The following ALDH4A1 variants were observed in gnomAD, a reference collection of about 807,000 sequenced individuals.
ALDH4A1 encodes the protein aldehyde dehydrogenase 4 family member A1, also known as delta-1-pyrroline-5-carboxylate dehydrogenase, mitochondrial.
A neutral mutation model predicts 70.5 loss-of-function variants in ALDH4A1; 46 were observed. The ratio of observed to expected loss-of-function variants is 0.65; its 90% CI spans 0.51 to 0.83. ALDH4A1 has a LOEUF of 0.83. ALDH4A1 is among the 40% of genes least tolerant of loss of function. The probability of loss-of-function intolerance (pLI) is 0.00; values close to 1 mark genes in which losing one functional copy is unlikely to be tolerated. For synonymous variants in ALDH4A1, 323 were observed against 324.3 expected, an observed-to-expected ratio of 1.00 and a Z score of 0.04; for missense variants, 749 against 766.5, an observed-to-expected ratio of 0.98 and a Z score of 0.27.
rs145243354 is a variant in ALDH4A1, at chr1:18,877,480, T to C, written c.1073A>G (p.His358Arg). ...CSACSRLYVP[H>R]SLWPQIKGRL... ...CCCTTTGATCTGCGGCCACAGCGAGTGCGGCACGTAGAGACGCGAGCACGC... is the reference window on the plus strand; with the variant it reads ...CCCTTTGATCTGCGGCCACAGCGAGCGCGGCACGTAGAGACGCGAGCACGC... Residue 358 changes from histidine to arginine, a missense_variant, in exon 10 of 15, where the codon CAC becomes CGC. Physicochemically the swap from His to Arg is conservative, Grantham distance 29. Coordinates refer to ENST00000375341, the MANE Select transcript of ALDH4A1 (RefSeq NM_003748.4). 3.2e-4 allele frequency: 516 copies of C among 1,599,652 alleles called. 5 individuals are homozygous for C. The highest frequency in any genetic ancestry group is 1.7e-4 in the Middle Eastern group (1 of 5,904).
In ALDH4A1 at chr1:18,878,482, C is replaced by A. The variant is rs1934821900; in HGVS notation, c.940+818G>T. 2.6e-5 allele frequency among the ~76,000 whole-genome samples: 4 copies of A among 152,154 alleles called. No homozygotes were observed. In the South Asian group the frequency reaches 8.3e-4, roughly 32 times the overall value. ...CAGGGTCCAGACTCCCCAGTGGGCC[C>A]CAATTCACGCCACAGAGAAACATGC... On this transcript the variant is annotated intron_variant, in intron 9 of 14. Transcript: ENST00000375341.
intron 3 of ALDH4A1, among the ~76,000 whole-genome samples, chr1:18,888,114 G>A (rs914973344): frequency 6.6e-6 from 1 of 152,218 alleles, no homozygotes; most frequent in Non-Finnish European, 1.5e-5. Context: ...ACAACCACAC[G>A]TGGCGGCTCA....
intron 3 of ALDH4A1, among the ~76,000 whole-genome samples, chr1:18,888,917 C>T (rs1935326746): frequency 6.6e-6 from 1 of 152,238 alleles, no homozygotes; most frequent in African/African-American, 2.4e-5. Context: ...AAAGGGCTGA[C>T]CTTTTATTCT....
At chr1:18,892,254 T>C (rs539595691) in intron 1 of ALDH4A1, among the ~76,000 whole-genome samples, 6 of 152,174 alleles carry the variant, frequency 3.9e-5, no homozygotes, top group Non-Finnish European at 7.4e-5. Flanking sequence ...CCAGGCCCTG[T>C]GTTCATTCCA....
At position 18,878,461 on chromosome 1, in the gene ALDH4A1, G is replaced by C. The variant is rs373051919; in HGVS notation, c.940+839C>G. 1.8e-3 allele frequency among the ~76,000 whole-genome samples: 270 copies of C among 152,130 alleles called. 1 individual carries two copies. Among genetic ancestry groups the C allele is most frequent in the African/African-American group, 6.3e-3 (261 of 41,508 alleles). The stretch of plus-strand genomic sequence containing the variant: ...GAACTCCCACCAGTCCAGGAACAGG[G>C]TCCAGACTCCCCAGTGGGCCCCAAT... On this transcript the variant is annotated intron_variant, in intron 9 of 14. Transcript: ENST00000375341.
At position 18,902,397 on chromosome 1, in the gene ALDH4A1, G is replaced by A. The variant is rs560527740; in HGVS notation, c.62+65C>T. 103 of 1,259,518 alleles carry A rather than the reference G, an allele frequency of 8.2e-5. No individual in the cohort carries two copies. The African/African-American group carries it at 1.4e-3, about 17-fold the overall frequency. The allele number at this position is 1,259,518 out of a possible 1,614,324, so 78.0% of individuals were successfully genotyped here. Reference sequence around the variant, plus strand: ...GGGAGTGCGGCGCGGGGGACGCCCAGTGACTCTCAGGCTCCCGGGCCCCAG... The same window carrying A: ...GGGAGTGCGGCGCGGGGGACGCCCAATGACTCTCAGGCTCCCGGGCCCCAG... On this transcript the variant is annotated intron_variant, in intron 1 of 14. Transcript: ENST00000375341.
intron 1 of ALDH4A1, among the ~76,000 whole-genome samples, chr1:18,897,403 C>T (rs574106849): frequency 5.3e-5 from 8 of 152,220 alleles, no homozygotes; most frequent in South Asian, 4.1e-4. Context: ...ATTAGCTGGA[C>T]GTGGTGGCGT....
chr1:18,886,596 C>T, intron 3 of ALDH4A1, 85 bp from the exon 4 acceptor site: 1 of 1,474,912 alleles, frequency 6.8e-7, no homozygotes, highest in Middle Eastern at 1.9e-4. Flanking sequence ...AGCCGGTTTT[C>T]CAGGAAAGTC....
chr1:18,883,517 C>G, intron 5 of ALDH4A1, 89 bp from the exon 6 acceptor site: 1 of 1,573,100 alleles, frequency 6.4e-7, no homozygotes, highest in Non-Finnish European at 8.6e-7. Flanking sequence ...AAAGCGAGCA[C>G]TGAGCCGGGC....
chr1:18,877,065 G>T, intron 11 of ALDH4A1, 143 bp downstream of exon 11: 2 of 1,024,438 alleles, frequency 2.0e-6, no homozygotes, highest in Non-Finnish European at 2.9e-6. Context: ...AGCTGGAGGT[G>T]CGTGTGTGGC....
In ALDH4A1 at chr1:18,897,395, T is replaced by C. The variant is rs576737943; in HGVS notation, c.62+5067A>G. Among the ~76,000 whole-genome samples the C allele has an allele frequency of 8.5e-5, 13 of 152,210 alleles. 1 individual carries two copies. In the South Asian group the frequency reaches 2.7e-3, roughly 32 times the overall value. ...CCATCTCTACTAAAAGTACAAAAAT[T>C]AGCTGGACGTGGTGGCGTGTGCCTG... On this transcript the variant is annotated intron_variant, in intron 1 of 14. Coordinates refer to ENST00000375341, the MANE Select transcript of ALDH4A1 (RefSeq NM_003748.4).
At chr1:18,878,057 C>T (rs1934801013) in intron 9 of ALDH4A1, among the ~76,000 whole-genome samples, 1 of 152,108 alleles carries the variant, frequency 6.6e-6, no homozygotes, top group African/African-American at 2.4e-5. Flanking sequence ...GGCCCCTCCT[C>T]CCCACGCGTG....
chr1:18,889,899 G>T, intron 2 of ALDH4A1, 113 bp downstream of exon 2: 1 of 949,962 alleles, frequency 1.1e-6, no homozygotes, highest in Non-Finnish European at 1.6e-6. Flanking sequence ...AAGGCTGGGA[G>T]CAAGGGTAGA....
At chr1:18,878,370 G>T (rs903140426) in intron 9 of ALDH4A1, among the ~76,000 whole-genome samples, 1 of 152,136 alleles carries the variant, frequency 6.6e-6, no homozygotes. Flanking sequence ...AGGGAAGGAG[G>T]CTCTGAGAGC....
At position 18,881,699 on chromosome 1, in the gene ALDH4A1, C is replaced by A. The variant is rs78532707; in HGVS notation, c.866+1G>T. On this transcript the variant is annotated splice_donor_variant, in intron 8 of 14. Coordinates refer to ENST00000375341, the MANE Select transcript of ALDH4A1 (RefSeq NM_003748.4). LOFTEE classifies it high-confidence loss of function. ...AGCCTACACCATCCCCAGGGACTTA[C>A]GGCACACTGCCTGTGAAGTTGATGC... 4 of 1,613,838 alleles carry A rather than the reference C, an allele frequency of 2.5e-6. No individual in the cohort carries two copies. The highest frequency in any genetic ancestry group is 2.7e-5 in the African/African-American group (2 of 74,890).
intron 5 of ALDH4A1, 42 bp downstream of exon 5, chr1:18,885,431 A>ACCCCCCCC: frequency 1.3e-5 from 6 of 478,978 alleles, no homozygotes; most frequent in African/African-American, 2.9e-5. Context: ...CCTGACTCCC[A>ACCCCCCCC]CCCCACCCCG....
chr1:18,875,345 C>T (rs756334274), intron 13 of ALDH4A1, 37 bp downstream of exon 13: 10 of 1,613,556 alleles, frequency 6.2e-6, no homozygotes, highest in African/African-American at 2.7e-5. Flanking sequence ...ACAGGACACC[C>T]GGAGCACAGC....
rs769035060 is a variant in ALDH4A1 at position 18,877,221 on chromosome 1, A to G, written c.1172T>C (p.Val391Ala). The change falls in exon 11 of 15, where the codon GTG becomes GCG. Residue 391 changes from valine (V) to alanine (A), a missense_variant. Transcript: ENST00000375341. The part of the protein sequence containing the change: ...AEDFGTFFSA[V>A]IDAKSFARIK... The stretch of plus-strand genomic sequence containing the variant: ...CCCACCCCGTACCTTGGCATCAATC[A>G]CTGCAGAGAAGAAGGTCCCAAAATC... The G allele has an allele frequency of 8.7e-6, 14 of 1,608,210 alleles. No homozygotes were observed. The highest frequency in any genetic ancestry group is 1.2e-5 in the Non-Finnish European group (14 of 1,177,286).
At chr1:18,900,410 C>A (rs1384267781) in intron 1 of ALDH4A1, among the ~76,000 whole-genome samples, 1 of 152,208 alleles carries the variant, frequency 6.6e-6, no homozygotes, top group African/African-American at 2.4e-5. Flanking sequence ...GATCAAACAT[C>A]AAAGCTGTTC....
Sources: gnomAD v4.1 joint callset for allele counts (sites outside exome capture counted in the v4.1 genomes callset) on GRCh38, gnomAD v4.1.1 for gene constraint, MANE v1.5 for transcripts, NCBI Gene and HGNC (gene_info 2026-07-23, HGNC 2026-07-21) for gene names.